The following DNAH7 variants were observed in gnomAD, a reference collection of about 807,000 sequenced individuals.
DNAH7 encodes the protein axonemal beta dynein heavy chain 7.
A neutral mutation model predicts 444.6 loss-of-function variants in DNAH7; 397 were observed. The ratio of observed to expected loss-of-function variants is 0.89; its 90% CI spans 0.82 to 0.97. The LOEUF (loss-of-function observed/expected upper bound fraction) is 0.97. Ranked by LOEUF, DNAH7 falls within the 50% of genes least tolerant of loss-of-function variation. The pLI is 0.00. For synonymous variants in DNAH7, 1,636 were observed against 1,624.4 expected (o/e 1.01, Z -0.17); for missense variants, 4,902 against 4,800.8 (o/e 1.02, Z -0.62).
At chr2:195,738,322 C>T (rs1047772618) in intron 64 of DNAH7, among the ~76,000 whole-genome samples, 195 bp from the exon 65 acceptor site, 6 of 152,124 alleles carry the variant, frequency 3.9e-5, no homozygotes, top group African/African-American at 9.7e-5. Context: ...AAATAGTTTT[C>T]GCCTTCTCTT....
At chr2:196,037,338 G>GA (rs1225205670) in intron 5 of DNAH7, among the ~76,000 whole-genome samples, 5 of 151,806 alleles carry the variant, frequency 3.3e-5, no homozygotes, top group Admixed American at 2.0e-4. Context: ...ACAGAAACAT[G>GA]AAAAAAATCA....
chr2:195,798,433 C>T (rs976977787), intron 55 of DNAH7, among the ~76,000 whole-genome samples: 8 of 151,832 alleles, frequency 5.3e-5, no homozygotes, highest in Non-Finnish European at 1.2e-4. Flanking sequence ...AATGCCCAAT[C>T]ATCTGTTTAT....
chr2:195,962,540 G>C (rs546483803), intron 17 of DNAH7, among the ~76,000 whole-genome samples: 3 of 152,238 alleles, frequency 2.0e-5, no homozygotes, highest in African/African-American at 7.2e-5. Flanking sequence ...AGTGGAGATA[G>C]GGTTTCACCA....
chr2:195,744,325 T>C (rs1470706152), intron 63 of DNAH7, among the ~76,000 whole-genome samples: 1 of 152,162 alleles, frequency 6.6e-6, no homozygotes, highest in African/African-American at 2.4e-5. Flanking sequence ...GCGCCCGCCA[T>C]TGCCCAGGCT....
chr2:195,950,514 A>T (rs893449647), intron 19 of DNAH7, among the ~76,000 whole-genome samples: 11 of 151,706 alleles, frequency 7.3e-5, no homozygotes, highest in Non-Finnish European at 1.5e-4. Context: ...CTTCTTCATT[A>T]GTCTGGCTAG....
chr2:196,032,826 G>A (rs1696140654), intron 5 of DNAH7, among the ~76,000 whole-genome samples: 1 of 151,942 alleles, frequency 6.6e-6, no homozygotes, highest in Non-Finnish European at 1.5e-5. Flanking sequence ...AAAACTACAG[G>A]GCCATATCAT....
chr2:196,027,870 G>T, intron 6 of DNAH7, 90 bp downstream of exon 6: 1 of 1,141,302 alleles, frequency 8.8e-7, no homozygotes, highest in South Asian at 1.6e-5. Flanking sequence ...TTTCACAAAG[G>T]AGAAGCACAG....
chr2:195,935,762 A>G (rs780042980), intron 20 of DNAH7, among the ~76,000 whole-genome samples: 1 of 152,144 alleles, frequency 6.6e-6, no homozygotes, highest in African/African-American at 2.4e-5. Context: ...GCCTCCCTGA[A>G]TGACAGATGT....
At chr2:196,051,336 T>C in intron 2 of DNAH7, 87 bp from the exon 3 acceptor site, 1 of 989,280 alleles carries the variant, frequency 1.0e-6, no homozygotes, top group Non-Finnish European at 1.6e-6. Context: ...AGAAAGACTA[T>C]TTAAAAAGTA....
intron 9 of DNAH7, among the ~76,000 whole-genome samples, chr2:196,017,924 G>A (rs1325809917): frequency 1.3e-5 from 2 of 152,058 alleles, no homozygotes; most frequent in East Asian, 1.9e-4. Context: ...GAATTCAGAA[G>A]AAAACAGAGA....
intron 51 of DNAH7, among the ~76,000 whole-genome samples, chr2:195,815,376 G>A (rs1014364956): frequency 6.6e-6 from 1 of 152,066 alleles, no homozygotes; most frequent in Non-Finnish European, 1.5e-5. Flanking sequence ...AGCTCAAAGT[G>A]TCGGACTCAC....
intron 38 of DNAH7, 141 bp downstream of exon 38, chr2:195,875,534 T>C (rs148624422): frequency 4.0e-6 from 3 of 752,576 alleles, no homozygotes; most frequent in African/African-American, 3.5e-5. Flanking sequence ...TATGATACAC[T>C]CTGTTAGGTC....
chr2:195,798,534 A>G (rs919063928), intron 55 of DNAH7, among the ~76,000 whole-genome samples: 2 of 144,406 alleles, frequency 1.4e-5, no homozygotes, highest in Non-Finnish European at 3.0e-5. Flanking sequence ...TGTAAATAGT[A>G]GAATTTTTTT....
chr2:195,862,842 C>T (rs1226952695), intron 41 of DNAH7, among the ~76,000 whole-genome samples: 3 of 152,150 alleles, frequency 2.0e-5, no homozygotes, highest in African/African-American at 2.4e-5. Context: ...TCAAGACCAG[C>T]CTGGCCAACA....
At chr2:195,805,602 T>C (rs1696671357) in intron 54 of DNAH7, among the ~76,000 whole-genome samples, 1 of 152,144 alleles carries the variant, frequency 6.6e-6, no homozygotes, top group African/African-American at 2.4e-5. Context: ...GGACCCAAGG[T>C]ACTTCATAGG....
chr2:196,022,037 G>A (rs1334985786), intron 8 of DNAH7, among the ~76,000 whole-genome samples: 1 of 151,996 alleles, frequency 6.6e-6, no homozygotes, highest in African/African-American at 2.4e-5. Flanking sequence ...TGAGGCAGGA[G>A]AATCGCTTGA....
At chr2:196,000,403 A>G (rs1277613850) in intron 12 of DNAH7, among the ~76,000 whole-genome samples, 1 of 152,194 alleles carries the variant, frequency 6.6e-6, no homozygotes, top group African/African-American at 2.4e-5. Flanking sequence ...GCATGGCATG[A>G]GTTTACAGGA....
chr2:195,990,913 A>G (rs1574965529), intron 12 of DNAH7, among the ~76,000 whole-genome samples: 2 of 118,530 alleles, frequency 1.7e-5, no homozygotes, highest in South Asian at 2.6e-4. Context: ...ATATACTTAA[A>G]TATATATACA....
At chr2:195,848,566 C>T (rs187187740) in intron 46 of DNAH7, among the ~76,000 whole-genome samples, 19 of 152,322 alleles carry the variant, frequency 1.2e-4, no homozygotes, top group Non-Finnish European at 5.9e-5. Context: ...AACGCAAAGA[C>T]ACTCAGATAA....
Sources: gnomAD v4.1 joint callset for allele counts (sites outside exome capture counted in the v4.1 genomes callset) on GRCh38, gnomAD v4.1.1 for gene constraint, MANE v1.5 for transcripts, NCBI Gene and HGNC (gene_info 2026-07-23, HGNC 2026-07-21) for gene names.